The following VEGFC variants were observed in gnomAD, a reference collection of about 807,000 sequenced individuals.
VEGFC encodes vascular endothelial growth factor C, also known as FLT4 ligand DHM.
Under a neutral mutation model 46.1 loss-of-function variants are expected in VEGFC, and 12 were observed. That is an observed-to-expected ratio of 0.26 (90% CI 0.17 to 0.42). The LOEUF is 0.42. VEGFC is among the 10% of genes least tolerant of loss of function. The probability of loss-of-function intolerance (pLI) is 1.00; values close to 1 mark genes in which losing one functional copy is unlikely to be tolerated. For missense variants in VEGFC, 488 were observed against 529.4 expected, an observed-to-expected ratio of 0.92 and a Z score of 0.77; for synonymous variants, 232 against 195.5, an observed-to-expected ratio of 1.19 and a Z score of -1.56.
At chr4:176,696,249 A>C (rs1443319973) in intron 4 of VEGFC, among the ~76,000 whole-genome samples, 16 of 151,692 alleles carry the variant, frequency 1.1e-4, no homozygotes, top group Middle Eastern at 3.4e-3. Context: ...TGTCTCAGCC[A>C]AAAATCTCCT....
At chr4:176,709,324 G>T (rs1286838708) in intron 4 of VEGFC, among the ~76,000 whole-genome samples, 2 of 152,186 alleles carry the variant, frequency 1.3e-5, no homozygotes, top group African/African-American at 4.8e-5. Context: ...GCACAGGAAT[G>T]GCTCAAGTAT....
At chr4:176,716,584 G>GAAAAAAAAA (rs57274087) in intron 3 of VEGFC, among the ~76,000 whole-genome samples, 4 of 43,760 alleles carry the variant, frequency 9.1e-5, no homozygotes, top group Admixed American at 3.3e-4. Flanking sequence ...CTCCCTCTCC[G>GAAAAAAAAA]AAAAAAAAAA....
At chr4:176,714,068 C>A (rs1291464768) in intron 3 of VEGFC, among the ~76,000 whole-genome samples, 2 of 152,156 alleles carry the variant, frequency 1.3e-5, no homozygotes, top group African/African-American at 4.8e-5. Context: ...CCAGCAGAAA[C>A]AATTTTGCTT....
At chr4:176,715,135 C>A (rs1734676854) in intron 3 of VEGFC, among the ~76,000 whole-genome samples, 1 of 152,096 alleles carries the variant, frequency 6.6e-6, no homozygotes, top group African/African-American at 2.4e-5. Context: ...TAAAGGAAAT[C>A]ACAACATAAA....
Position 176,687,244 on chromosome 4 carries a change from G to A in VEGFC, c.1088C>T (p.Thr363Ile), listed in dbSNP as rs1024830472. Residue 363 changes from threonine (T) to isoleucine (I), a missense_variant, in exon 6 of 7, where the codon ACA becomes ATA. Coordinates refer to ENST00000618562, the MANE Select transcript of VEGFC (RefSeq NM_005429.5). The stretch of plus-strand genomic sequence containing the variant: ...TAACAAGCATTTCTGTGGACTTTCT[G>A]TACATTCACAGGCACATTTTCCAGG... ...LNPGKCACECTESPQKCLLKG... is the reference protein window; with the variant it reads ...LNPGKCACECIESPQKCLLKG... The A allele has an allele frequency of 5.0e-6, 8 of 1,614,014 alleles. No individual in the cohort carries two copies. Among genetic ancestry groups the A allele is most frequent in the Middle Eastern group, 1.6e-4 (1 of 6,084 alleles).
At chr4:176,785,838 G>T (rs1310029280) in intron 1 of VEGFC, among the ~76,000 whole-genome samples, 1 of 152,134 alleles carries the variant, frequency 6.6e-6, no homozygotes, top group Non-Finnish European at 1.5e-5. Flanking sequence ...GTGTGTGGGG[G>T]GTTCTGTGTA....
rs1736129654 is a variant in VEGFC at position 176,792,816 on chromosome 4, G to GGGGCGGC, written c.-512_-506dup. ...GTGCCGGGGGCGGGAGGAGGGCGGCGGGGCGGCTGGCGGCGGCGGGGCCCG... is the reference window on the plus strand; with the variant it reads ...GTGCCGGGGGCGGGAGGAGGGCGGCGGGGCGGCGGGCGGCTGGCGGCGGCGGGGCCCG... On this transcript the variant is annotated 5_prime_UTR_variant, in exon 1 of 7. It introduces an in-frame stop codon into an upstream open reading frame of the 5' UTR. Transcript: ENST00000618562. This position sits in a 1 kb window ranked among gnomAD's most constrained non-coding sequence, Gnocchi z 6.3. 1 of 147,022 alleles carries GGGGCGGC rather than the reference G, an allele frequency of 6.8e-6. No individual in the cohort carries two copies. Among genetic ancestry groups the GGGGCGGC allele is most frequent in the Admixed American group, 6.8e-5 (1 of 14,718 alleles). The allele number at this position is 147,022 out of a possible 1,614,324, so 9.1% of individuals were successfully genotyped here. A position where few individuals can be genotyped will look rare whatever the true frequency, so the allele number is the denominator to read the frequency against.
At chr4:176,702,510 C>G (rs909800476) in intron 4 of VEGFC, among the ~76,000 whole-genome samples, 1 of 152,102 alleles carries the variant, frequency 6.6e-6, no homozygotes, top group Admixed American at 6.6e-5. Flanking sequence ...CTCTGCTCCC[C>G]TAATACCTCT....
chr4:176,707,371 T>C (rs1734552306), intron 4 of VEGFC, among the ~76,000 whole-genome samples: 1 of 152,236 alleles, frequency 6.6e-6, no homozygotes, highest in Non-Finnish European at 1.5e-5. Context: ...TGATTGTTCC[T>C]CTTAAATCTT....
chr4:176,707,353 C>T (rs1734551875), intron 4 of VEGFC, among the ~76,000 whole-genome samples: 1 of 152,094 alleles, frequency 6.6e-6, no homozygotes, highest in Admixed American at 6.5e-5. Context: ...TTTTAGCCAC[C>T]GTGGTGGTGA....
At chr4:176,761,829 G>A (rs1002985868) in intron 1 of VEGFC, among the ~76,000 whole-genome samples, 3 of 152,186 alleles carry the variant, frequency 2.0e-5, no homozygotes, top group Non-Finnish European at 2.9e-5. Flanking sequence ...GAGAAGAGAC[G>A]AAGGCATGGA....
At chr4:176,784,574 C>T (rs376733036) in intron 1 of VEGFC, among the ~76,000 whole-genome samples, 165 of 150,986 alleles carry the variant, frequency 1.1e-3, no homozygotes, top group Non-Finnish European at 1.8e-3. Flanking sequence ...GGTCAAACCC[C>T]GTCTCTACTA....
rs574311248 is a variant in VEGFC, at chr4:176,688,202, G to A, written c.705-275C>T. ...CACATTGGTTTGTATAATCATATAG[G>A]GTTTTAGCTTGTGAAATAAATAAGG... On this transcript the variant is annotated intron_variant, in intron 4 of 6. Transcript: ENST00000618562. 9.2e-5 allele frequency among the ~76,000 whole-genome samples: 14 copies of A among 152,108 alleles called. No homozygotes were observed. In the South Asian group the frequency reaches 2.7e-3, roughly 29 times the overall value.
chr4:176,771,369 T>C (rs569258989), intron 1 of VEGFC, among the ~76,000 whole-genome samples: 84 of 152,296 alleles, frequency 5.5e-4, no homozygotes, highest in African/African-American at 2.0e-3. Context: ...TTTAAATGTC[T>C]TTCCATGTCA....
chr4:176,701,184 A>C (rs767056022), intron 4 of VEGFC, among the ~76,000 whole-genome samples: 3 of 152,236 alleles, frequency 2.0e-5, no homozygotes, highest in Non-Finnish European at 4.4e-5. Context: ...AAACTAGAGG[A>C]AACTCGTGAA....
At chr4:176,743,492 G>A (rs1213887656) in intron 1 of VEGFC, among the ~76,000 whole-genome samples, 1 of 151,096 alleles carries the variant, frequency 6.6e-6, no homozygotes, top group Non-Finnish European at 1.5e-5. Context: ...GTAGTCACCG[G>A]ATATAAATAA....
intron 4 of VEGFC, among the ~76,000 whole-genome samples, chr4:176,702,016 A>G (rs1344794291): frequency 6.6e-6 from 1 of 152,180 alleles, no homozygotes; most frequent in African/African-American, 2.4e-5. Flanking sequence ...CATTATGGCT[A>G]AAAGTACAAC....
intron 1 of VEGFC, among the ~76,000 whole-genome samples, chr4:176,761,448 A>AGTTTTAT (rs1239213436): frequency 1.3e-5 from 2 of 152,240 alleles, no homozygotes; most frequent in Non-Finnish European, 2.9e-5. Context: ...ACTATGTCAC[A>AGTTTTAT]GTTTTATTAA....
intron 1 of VEGFC, among the ~76,000 whole-genome samples, chr4:176,751,184 T>TA (rs1446912823): frequency 4.6e-5 from 7 of 151,708 alleles, no homozygotes; most frequent in Non-Finnish European, 1.0e-4. Flanking sequence ...TAGTGAAATA[T>TA]AAACACAGAA....
Sources: allele counts gnomAD v4.1 joint callset (sites outside exome capture counted in the v4.1 genomes callset), GRCh38; gene constraint gnomAD v4.1.1; non-coding constraint Gnocchi (gnomAD v3.1); transcripts MANE v1.5; gene names NCBI Gene and HGNC (gene_info 2026-07-23, HGNC 2026-07-21).